Variants in INTS8 observed in about 807,000 individuals in gnomAD.
INTS8 encodes integrator complex subunit 8, also known as protein kaonashi-1.
In INTS8, 47 loss-of-function variants were observed where a neutral mutation model predicts 138.9. The observed-to-expected ratio is 0.34, with a 90% CI of 0.27 to 0.43. INTS8 has a LOEUF of 0.43. Among genes scored for constraint, INTS8 ranks in the 20% least tolerant of loss-of-function variants. The pLI, the probability that INTS8 is intolerant of heterozygous loss-of-function variation, is 1.00. For missense variants in INTS8, 996 were observed against 1,173.0 expected (o/e 0.85, Z 2.20); for synonymous variants, 392 against 400.9 (o/e 0.98, Z 0.27).
Position 94,867,110 on chromosome 8 carries a change from T to C in INTS8, c.2296-30T>C. ...ATATTAAATAAATATACATACACTGTTTAAGGATTCTGTGTTTTCTTTCTC... is the reference window on the plus strand; with the variant it reads ...ATATTAAATAAATATACATACACTGCTTAAGGATTCTGTGTTTTCTTTCTC... On this transcript the variant is annotated intron_variant, in intron 18 of 26. Coordinates refer to ENST00000523731, the MANE Select transcript of INTS8 (RefSeq NM_017864.4). The C allele has an allele frequency of 2.0e-6, 3 of 1,533,218 alleles. No homozygotes were observed. The South Asian group carries it at 3.5e-5, about 18-fold the overall frequency. The allele number at this position is 1,533,218 out of a possible 1,614,324, so 95.0% of individuals were successfully genotyped here. A position where few individuals can be genotyped will look rare whatever the true frequency, so the allele number is the denominator to read the frequency against.
At position 94,880,718 on chromosome 8, in the gene INTS8, C is replaced by T; in HGVS notation, c.*484C>T. 1 of 395,324 alleles carries T rather than the reference C, an allele frequency of 2.5e-6. No homozygotes were observed. The highest frequency in any genetic ancestry group is 4.5e-6 in the Non-Finnish European group (1 of 224,666). 24.5% of individuals were successfully genotyped at this position (395,324 alleles called of 1,614,324 possible). ...TCACAATGGAGGAATTTAGAAAGGA[C>T]CTTAACAGTTTCACAAACATAAATA... On this transcript the variant is annotated 3_prime_UTR_variant, in exon 27 of 27. Coordinates refer to ENST00000523731, the MANE Select transcript of INTS8 (RefSeq NM_017864.4).
chr8:94,827,680 T>C (rs1368546160), intron 3 of INTS8, 42 bp from the exon 4 acceptor site: 3 of 1,488,158 alleles, frequency 2.0e-6, no homozygotes, highest in East Asian at 4.5e-5. Flanking sequence ...TGAGATGACA[T>C]TTATAATGTA....
chr8:94,859,742 A>G (rs1441293310), intron 16 of INTS8, 110 bp downstream of exon 16: 2 of 839,166 alleles, frequency 2.4e-6, no homozygotes, highest in Non-Finnish European at 1.8e-6. Context: ...AAATGATTGG[A>G]CAAATGCTTG....
intron 23 of INTS8, among the ~76,000 whole-genome samples, chr8:94,875,019 G>C (rs1375003672): frequency 6.6e-6 from 1 of 152,106 alleles, no homozygotes; most frequent in Admixed American, 6.6e-5. Flanking sequence ...AATATAAAAT[G>C]GTGTAGCATC....
chr8:94,843,548 C>T (rs1410847656), intron 10 of INTS8, among the ~76,000 whole-genome samples: 1 of 151,226 alleles, frequency 6.6e-6, no homozygotes, highest in Non-Finnish European at 1.5e-5. Context: ...GCCTGGGCAA[C>T]AGTGAGAGAC....
chr8:94,848,781 G>C (rs1359159764), intron 10 of INTS8, among the ~76,000 whole-genome samples: 1 of 151,968 alleles, frequency 6.6e-6, no homozygotes, highest in Non-Finnish European at 1.5e-5. Flanking sequence ...ATTCTATTTT[G>C]TGTGTGTGTC....
In INTS8 at chr8:94,827,757, TCAAA is replaced by T; in HGVS notation, c.485_488del (p.Lys162ArgfsTer9). On this transcript the variant is annotated frameshift_variant, in exon 4 of 27. Coordinates refer to ENST00000523731, the MANE Select transcript of INTS8 (RefSeq NM_017864.4). LOFTEE classifies it high-confidence loss of function. Reference sequence around the variant, plus strand: ...ACAATTGTTCAAAGTAGTTTTCCAGTCAAACAGGCAAAACCCGGACCCCCTCAGT... The same window carrying T: ...ACAATTGTTCAAAGTAGTTTTCCAGTCAGGCAAAACCCGGACCCCCTCAGT... The T allele has an allele frequency of 1.2e-6, 2 of 1,614,194 alleles. No individual in the cohort carries two copies. Among genetic ancestry groups the T allele is most frequent in the African/African-American group, 1.3e-5 (1 of 75,062 alleles).
intron 10 of INTS8, among the ~76,000 whole-genome samples, chr8:94,845,671 C>G (rs1330605357): frequency 6.6e-6 from 1 of 152,136 alleles, no homozygotes; most frequent in Non-Finnish European, 1.5e-5. Context: ...CGATATTGGC[C>G]AGGCTGGTCT....
chr8:94,878,774 C>A (rs2131084431), intron 26 of INTS8, among the ~76,000 whole-genome samples: 1 of 152,340 alleles, frequency 6.6e-6, no homozygotes, highest in South Asian at 2.1e-4. Flanking sequence ...TCAAGAGCCA[C>A]CAAATGCCAG....
In INTS8 at chr8:94,852,622, A is replaced by G. The variant is rs1044803917; in HGVS notation, c.1641+936A>G. 1.3e-4 allele frequency among the ~76,000 whole-genome samples: 20 copies of G among 150,984 alleles called. 1 individual carries two copies. Among genetic ancestry groups the G allele is most frequent in the African/African-American group, 2.2e-4 (9 of 41,054 alleles). ...TTTTTTTTTGAGACTGAGTTTCACT[A>G]TTGTTGCCCAGGCTGGAGTGCAATG... On this transcript the variant is annotated intron_variant, in intron 13 of 26. Coordinates refer to ENST00000523731, the MANE Select transcript of INTS8 (RefSeq NM_017864.4).
intron 3 of INTS8, 67 bp downstream of exon 3, chr8:94,827,470 G>A: frequency 6.5e-7 from 1 of 1,547,120 alleles, no homozygotes; most frequent in Admixed American, 1.7e-5. Flanking sequence ...GGCTTTCAAG[G>A]ATATTCTTTT....
chr8:94,871,822 A>G (rs1173551385), intron 20 of INTS8, 62 bp from the exon 21 acceptor site: 2 of 894,966 alleles, frequency 2.2e-6, no homozygotes, highest in South Asian at 1.4e-5. Flanking sequence ...TAATAAATAC[A>G]TGCATGGAAT....
At chr8:94,827,236 C>G (rs1814543053) in intron 2 of INTS8, 27 bp from the exon 3 acceptor site, 1 of 1,602,716 alleles carries the variant, frequency 6.2e-7, no homozygotes. Context: ...AATTAATGTG[C>G]AAACATGTAC....
intron 10 of INTS8, among the ~76,000 whole-genome samples, chr8:94,847,513 C>T (rs961392370): frequency 6.6e-6 from 1 of 151,888 alleles, no homozygotes; most frequent in South Asian, 2.1e-4. Flanking sequence ...AAAGTCTGGG[C>T]CTGGGTAATT....
intron 10 of INTS8, among the ~76,000 whole-genome samples, chr8:94,847,592 G>A (rs1027073927): frequency 3.9e-5 from 6 of 152,104 alleles, no homozygotes; most frequent in Non-Finnish European, 7.4e-5. Flanking sequence ...TTAGTTTTAA[G>A]AAGTTATTTT....
chr8:94,836,746 T>G, intron 7 of INTS8, 115 bp downstream of exon 7: 1 of 625,964 alleles, frequency 1.6e-6, no homozygotes, highest in Non-Finnish European at 2.8e-6. Flanking sequence ...ATGTGTGATG[T>G]TCAAGAAAGT....
At chr8:94,863,436 C>G (rs1816066470) in intron 16 of INTS8, among the ~76,000 whole-genome samples, 1 of 152,224 alleles carries the variant, frequency 6.6e-6, no homozygotes, top group African/African-American at 2.4e-5. Context: ...ATTCTTTTCT[C>G]TGTAAATGAG....
chr8:94,862,791 T>C (rs1816039440), intron 16 of INTS8, among the ~76,000 whole-genome samples: 2 of 152,142 alleles, frequency 1.3e-5, no homozygotes, highest in Admixed American at 1.3e-4. Flanking sequence ...AATGAGGGAT[T>C]GTGTTTTGAA....
At chr8:94,847,990 A>G (rs1232099612) in intron 10 of INTS8, among the ~76,000 whole-genome samples, 1 of 151,772 alleles carries the variant, frequency 6.6e-6, no homozygotes, top group Non-Finnish European at 1.5e-5. Context: ...ATGGTATTTG[A>G]ACATAGCACT....
Sources: gnomAD v4.1 joint callset for allele counts (sites outside exome capture counted in the v4.1 genomes callset) on GRCh38, gnomAD v4.1.1 for gene constraint, MANE v1.5 for transcripts, NCBI Gene and HGNC (gene_info 2026-07-23, HGNC 2026-07-21) for gene names.